GAB2: variants seen among roughly 807,000 people sequenced by gnomAD.
The protein encoded by GAB2 is GRB2 associated binding protein 2, also known as GRB2-associated-binding protein 2.
GAB2 carries 26 observed loss-of-function variants against 65.5 expected under a neutral mutation model. That is an observed-to-expected ratio of 0.40 (90% confidence interval 0.29 to 0.55). GAB2 has a LOEUF of 0.55. GAB2 is among the 20% of genes least tolerant of loss of function. The pLI, the probability that GAB2 is intolerant of heterozygous loss-of-function variation, is 0.53. For missense variants in GAB2, 884 were observed against 875.8 expected (o/e 1.01, Z -0.12); for synonymous variants, 321 against 329.6 (o/e 0.97, Z 0.28).
At chr11:78,308,781 A>G (rs894303746) in intron 1 of GAB2, among the ~76,000 whole-genome samples, 5 of 152,220 alleles carry the variant, frequency 3.3e-5, no homozygotes, top group Non-Finnish European at 7.3e-5. Context: ...TAAGAAGAAT[A>G]TGACTGGAAA....
chr11:78,311,538 C>T (rs753730406), intron 1 of GAB2, among the ~76,000 whole-genome samples: 2 of 151,954 alleles, frequency 1.3e-5, no homozygotes, highest in East Asian at 1.9e-4. Context: ...TTCAAACATA[C>T]GGTTAGGATA....
intron 2 of GAB2, among the ~76,000 whole-genome samples, chr11:78,260,296 A>G (rs933341998): frequency 2.6e-5 from 4 of 152,212 alleles, no homozygotes; most frequent in African/African-American, 9.6e-5. Context: ...CACAGTATAC[A>G]TTAGCAGAAA....
At chr11:78,404,085 T>A (rs1591091442) in intron 1 of GAB2, among the ~76,000 whole-genome samples, 1 of 152,194 alleles carries the variant, frequency 6.6e-6, no homozygotes, top group East Asian at 1.9e-4. Context: ...TACCATATGA[T>A]CTAGCAATCC....
At position 78,307,604 on chromosome 11, in the gene GAB2, T is replaced by TAGAGAGAGAGAG. The variant is rs59402607; in HGVS notation, c.76-26715_76-26704dup. 9.6e-3 allele frequency among the ~76,000 whole-genome samples: 1,172 copies of TAGAGAGAGAGAG among 121,902 alleles called. 16 individuals are homozygous for TAGAGAGAGAGAG. Among genetic ancestry groups the TAGAGAGAGAGAG allele is most frequent in the Middle Eastern group, 0.027 (7 of 256 alleles). The allele number at this position is 121,902 out of a possible 152,430, so 80.0% of individuals were successfully genotyped here. Reference sequence around the variant, plus strand: ...GAGATCCCATCTCTACAAAAAATGTTAGAGAGAGAGAGAGAGAGAGAGAGA... The same window carrying TAGAGAGAGAGAG: ...GAGATCCCATCTCTACAAAAAATGTTAGAGAGAGAGAGAGAGAGAGAGAGAGAGAGAGAGAGA... On this transcript the variant is annotated intron_variant, in intron 1 of 9. Coordinates refer to ENST00000361507, the MANE Select transcript of GAB2 (RefSeq NM_080491.3).
At chr11:78,353,363 C>T (rs888643236) in intron 1 of GAB2, among the ~76,000 whole-genome samples, 2 of 152,168 alleles carry the variant, frequency 1.3e-5, no homozygotes. Flanking sequence ...ATCACTTGAA[C>T]CCAGAAAGCG....
chr11:78,361,204 C>G (rs1321116019), intron 1 of GAB2, among the ~76,000 whole-genome samples: 1 of 152,004 alleles, frequency 6.6e-6, no homozygotes, highest in Non-Finnish European at 1.5e-5. Context: ...AAGCATAGAT[C>G]AGGAAAAATT....
At position 78,297,591 on chromosome 11, in the gene GAB2, G is replaced by T. The variant is rs115847021; in HGVS notation, c.76-16690C>A. Among the ~76,000 whole-genome samples the T allele has an allele frequency of 8.6e-3, 1,314 of 152,202 alleles. 20 individuals carry two copies. Among genetic ancestry groups the T allele is most frequent in the African/African-American group, 0.03 (1,248 of 41,538 alleles). On this transcript the variant is annotated intron_variant, in intron 1 of 9. Transcript: ENST00000361507. Reference sequence around the variant, plus strand: ...GAACAGCATAGGTAAAGGCCCTGAAGAGGAAGCGAGCTTGGGTTATGGGAG... The same window carrying T: ...GAACAGCATAGGTAAAGGCCCTGAATAGGAAGCGAGCTTGGGTTATGGGAG...
intron 2 of GAB2, among the ~76,000 whole-genome samples, chr11:78,253,158 A>G (rs892401497): frequency 6.6e-6 from 1 of 151,862 alleles, no homozygotes; most frequent in Non-Finnish European, 1.5e-5. Flanking sequence ...CTACAGGTGT[A>G]TGCCATGACG....
intron 2 of GAB2, among the ~76,000 whole-genome samples, chr11:78,265,370 C>G (rs1030423661): frequency 2.0e-5 from 3 of 152,252 alleles, no homozygotes; most frequent in Admixed American, 6.5e-5. Flanking sequence ...TAGTTGCCCT[C>G]TCTTCACCTC....
intron 1 of GAB2, among the ~76,000 whole-genome samples, chr11:78,393,474 C>G (rs1002926625): frequency 6.6e-5 from 10 of 152,140 alleles, no homozygotes; most frequent in Non-Finnish European, 1.3e-4. Context: ...TATTTTTTCA[C>G]CTATCAAATT....
intron 1 of GAB2, among the ~76,000 whole-genome samples, chr11:78,353,425 A>G (rs1315210267): frequency 6.6e-6 from 1 of 152,200 alleles, no homozygotes; most frequent in Non-Finnish European, 1.5e-5. Flanking sequence ...TGGGTAAAAG[A>G]GTGAGACTTT....
chr11:78,280,956 A>G, intron 1 of GAB2, 55 bp from the exon 2 acceptor site: 1 of 1,470,528 alleles, frequency 6.8e-7, no homozygotes. Flanking sequence ...TAGTTATTTC[A>G]AAGCTTTTTT....
Position 78,266,206 on chromosome 11 carries a change from C to T in GAB2, c.376+14395G>A, listed in dbSNP as rs914984941. Among the ~76,000 whole-genome samples, 4 of 96,922 alleles carry T rather than the reference C, an allele frequency of 4.1e-5. No individual in the cohort carries two copies. In the Admixed American group the frequency reaches 6.0e-4, roughly 15 times the overall value. The allele number at this position is 96,922 out of a possible 152,430, so 63.6% of individuals were successfully genotyped here. A position where few individuals can be genotyped will look rare whatever the true frequency, so the allele number is the denominator to read the frequency against. On this transcript the variant is annotated intron_variant, in intron 2 of 9. Coordinates refer to ENST00000361507, the MANE Select transcript of GAB2 (RefSeq NM_080491.3). ...CTCCAGCCTGGGTGACAGAGCGAGA[C>T]TCCATCTCAAAAAAAAAAAAAAAAA...
chr11:78,250,066 G>T, intron 3 of GAB2, 91 bp downstream of exon 3: 1 of 1,327,314 alleles, frequency 7.5e-7, no homozygotes, highest in Non-Finnish European at 1.1e-6. Flanking sequence ...ACGATATAAT[G>T]TTTTGCTTGT....
At position 78,222,170 on chromosome 11, in the gene GAB2, C is replaced by T. The variant is rs772690529; in HGVS notation, c.1593G>A (p.Arg531=). The T allele has an allele frequency of 3.1e-6, 5 of 1,613,918 alleles. No individual in the cohort carries two copies. The highest frequency in any genetic ancestry group is 4.2e-6 in the Non-Finnish European group (5 of 1,179,824). ...GGAGTTCATCGATGACGGTGTTGTTCCTCAGGTCAAGTGGTGTTGGCTTTG... is the reference window on the plus strand; with the variant it reads ...GGAGTTCATCGATGACGGTGTTGTTTCTCAGGTCAAGTGGTGTTGGCTTTG... The part of the protein sequence containing the change: ...RKAKPTPLDL[R]NNTVIDELPF... The change falls in exon 7 of 10, where the codon AGG becomes AGA. Residue 531 remains arginine, a synonymous_variant. Transcript: ENST00000361507.
At chr11:78,281,891 A>G (rs1866345757) in intron 1 of GAB2, among the ~76,000 whole-genome samples, 2 of 152,236 alleles carry the variant, frequency 1.3e-5, no homozygotes, top group South Asian at 4.1e-4. Context: ...CCACTAAGGC[A>G]GGGTGAGTTG....
At chr11:78,221,868 C>A in intron 7 of GAB2, 89 bp from the exon 8 acceptor site, 1 of 841,986 alleles carries the variant, frequency 1.2e-6, no homozygotes, top group Non-Finnish European at 2.0e-6. Context: ...CCCTCACACA[C>A]CCAGACCTCA....
intron 2 of GAB2, among the ~76,000 whole-genome samples, chr11:78,273,900 C>G (rs557490466): frequency 1.3e-5 from 2 of 152,184 alleles, no homozygotes; most frequent in African/African-American, 4.8e-5. Flanking sequence ...AGCTCTCTCT[C>G]GGCCTGCTGC....
intron 6 of GAB2, 152 bp from the exon 7 acceptor site, chr11:78,222,347 C>G: frequency 1.6e-6 from 1 of 617,940 alleles, no homozygotes; most frequent in Non-Finnish European, 3.0e-6. Context: ...GTTGTATAAT[C>G]TTTGCCCATA....
Sources: gnomAD v4.1 joint callset for allele counts (sites outside exome capture counted in the v4.1 genomes callset) on GRCh38, gnomAD v4.1.1 for gene constraint, MANE v1.5 for transcripts, NCBI Gene and HGNC (gene_info 2026-07-23, HGNC 2026-07-21) for gene names.